Variants in PCDHA10 observed in about 807,000 individuals in gnomAD.
PCDHA10 encodes the protein protocadherin alpha-10.
A neutral mutation model predicts 61.2 loss-of-function variants in PCDHA10; 45 were observed. The ratio of observed to expected loss-of-function variants is 0.74; its 90% CI spans 0.58 to 0.94. PCDHA10 has a LOEUF of 0.94. Ranked by LOEUF, PCDHA10 falls within the 40% of genes least tolerant of loss-of-function variation. PCDHA10 has a pLI of 0.00. For synonymous variants in PCDHA10, 602 were observed against 548.8 expected (o/e 1.10, Z -1.35); for missense variants, 1,278 against 1,236.2 (o/e 1.03, Z -0.51).
At position 140,856,629 on chromosome 5, in the gene PCDHA10, T is replaced by C. The variant is rs782588371; in HGVS notation, c.581T>C (p.Val194Ala). 1.3e-6 allele frequency: 2 copies of C among 1,598,078 alleles called. No individual in the cohort carries two copies. The highest frequency in any genetic ancestry group is 2.7e-5 in the African/African-American group (2 of 74,298). ...GACAAAGACAAATTCCCAGTGCTTG[T>C]TCTGCGGAAGCTGCTGGATCGTGAA... is the stretch of plus-strand genomic sequence containing the variant. ...KKDKDKFPVL[V>A]LRKLLDREEN... The change falls in exon 1 of 4, where the codon GTT becomes GCT. Residue 194 changes from valine (V) to alanine (A), a missense_variant. By Grantham distance (64) the Val-to-Ala change is moderately conservative. Transcript: ENST00000307360.
intron 1 of PCDHA10, among the ~76,000 whole-genome samples, chr5:140,913,960 TA>T (rs201352444): frequency 2.0e-5 from 3 of 152,168 alleles, no homozygotes; most frequent in Non-Finnish European, 2.9e-5. Context: ...ATATCATTTT[TA>T]AAAAAATATT....
intron 1 of PCDHA10, among the ~76,000 whole-genome samples, chr5:140,917,333 G>GC (rs1401985588): frequency 2.7e-5 from 4 of 148,632 alleles, no homozygotes; most frequent in African/African-American, 7.4e-5. Flanking sequence ...GCGGGGGAGG[G>GC]GGGGGATGGT....
intron 1 of PCDHA10, chr5:140,968,074 C>T (rs781940696): frequency 1.2e-6 from 2 of 1,614,020 alleles, no homozygotes; most frequent in African/African-American, 1.3e-5. Context: ...CTGTCTACAA[C>T]ATCACGGTGA....
intron 1 of PCDHA10, chr5:140,875,742 C>T (rs782079077): frequency 3.1e-6 from 5 of 1,614,218 alleles, no homozygotes; most frequent in South Asian, 1.1e-5. Context: ...ATTCTCGGAT[C>T]GACCGCGAGA....
At chr5:140,885,110 TA>T (rs1368571784) in intron 1 of PCDHA10, among the ~76,000 whole-genome samples, 4 of 152,224 alleles carry the variant, frequency 2.6e-5, no homozygotes, top group African/African-American at 9.6e-5. Context: ...ATGCTTTTTT[TA>T]AGTGCACTTT....
At chr5:140,960,764 A>C (rs1383623742) in intron 1 of PCDHA10, among the ~76,000 whole-genome samples, 7 of 152,164 alleles carry the variant, frequency 4.6e-5, no homozygotes, top group African/African-American at 1.7e-4. Flanking sequence ...CAAGAGTTAC[A>C]GAGGAGAAAT....
rs556783584 is a variant in PCDHA10 at position 140,882,446 on chromosome 5, G to A, written c.2388+24010G>A. ...CCTGGGGCTGGAGCTGGCGGAGCTG[G>A]TGCCGCGCCTGTTCCGGGTGGCGTC... On this transcript the variant is annotated intron_variant, in intron 1 of 3. Coordinates refer to ENST00000307360, the MANE Select transcript of PCDHA10 (RefSeq NM_018901.4). 1.9e-5 allele frequency: 30 copies of A among 1,614,042 alleles called. No individual in the cohort carries two copies. The highest frequency in any genetic ancestry group is 1.0e-4 in the Admixed American group (6 of 60,036).
intron 1 of PCDHA10, among the ~76,000 whole-genome samples, chr5:140,946,628 A>ATATATATATATATATATATATATATATC (rs2093986423): frequency 7.4e-6 from 1 of 134,528 alleles, no homozygotes; most frequent in Non-Finnish European, 1.6e-5. Context: ...ATATATATAT[A>ATATATATATATATATATATATATATATC]TATACAATGG....
intron 1 of PCDHA10, among the ~76,000 whole-genome samples, chr5:140,896,658 T>C (rs2065683362): frequency 6.6e-6 from 1 of 152,154 alleles, no homozygotes; most frequent in African/African-American, 2.4e-5. Context: ...ATTACAGGCA[T>C]GAGTCACTGT....
At chr5:140,935,850 G>A (rs2090589549) in intron 1 of PCDHA10, among the ~76,000 whole-genome samples, 1 of 149,422 alleles carries the variant, frequency 6.7e-6, no homozygotes, top group South Asian at 2.1e-4. Context: ...GCTTAATGGT[G>A]TCTTTTGATT....
intron 1 of PCDHA10, among the ~76,000 whole-genome samples, chr5:140,970,553 C>T (rs1349644785): frequency 5.9e-5 from 9 of 152,122 alleles, no homozygotes; most frequent in South Asian, 2.1e-4. Flanking sequence ...GTTGTGTGTT[C>T]GTCTCCATAT....
chr5:140,857,220 A>C lies in PCDHA10; in HGVS notation c.1172A>C (p.His391Pro), dbSNP rs1554149674. Reference protein sequence around the residue: ...NGQVTCSLTPHVPFKLVSTYK... With the variant: ...NGQVTCSLTPPVPFKLVSTYK... ...CAGGTCACCTGCTCTCTGACGCCTC[A>C]CGTTCCGTTCAAGCTGGTGTCCACC... Residue 391 changes from histidine to proline, a missense_variant, in exon 1 of 4, where the codon CAC (histidine) becomes CCC (proline). His to Pro is a moderately conservative substitution (Grantham distance 77). Coordinates refer to ENST00000307360, the MANE Select transcript of PCDHA10 (RefSeq NM_018901.4). 1 of 1,598,480 alleles carries C rather than the reference A, an allele frequency of 6.3e-7. No individual in the cohort carries two copies. The highest frequency in any genetic ancestry group is 1.7e-5 in the Admixed American group (1 of 59,306).
intron 1 of PCDHA10, chr5:140,928,022 G>A: frequency 6.2e-7 from 1 of 1,614,200 alleles, no homozygotes; most frequent in Non-Finnish European, 8.5e-7. Flanking sequence ...AGGGTCATTT[G>A]TGGCATGTCT....
In PCDHA10 at chr5:140,869,909, G is replaced by A. The variant is rs781996593; in HGVS notation, c.2388+11473G>A. ...GTGCTCAAACTAAACGCCACAGACCGAGACGAAGGAGTCAATGGAGAGGTA... is the reference window on the plus strand; with the variant it reads ...GTGCTCAAACTAAACGCCACAGACCAAGACGAAGGAGTCAATGGAGAGGTA... On this transcript the variant is annotated intron_variant, in intron 1 of 3. Transcript: ENST00000307360. 2.6e-5 allele frequency: 42 copies of A among 1,610,632 alleles called. No individual in the cohort carries two copies. Among genetic ancestry groups the A allele is most frequent in the Non-Finnish European group, 3.1e-5 (36 of 1,178,298 alleles).
intron 3 of PCDHA10, among the ~76,000 whole-genome samples, chr5:141,002,322 G>A (rs1477526091): frequency 6.6e-6 from 1 of 152,190 alleles, no homozygotes; most frequent in South Asian, 2.1e-4. Context: ...CCTGGAGGCC[G>A]GGCTGCATCC....
intron 1 of PCDHA10, among the ~76,000 whole-genome samples, chr5:140,953,480 T>C (rs782804804): frequency 2.6e-5 from 4 of 152,194 alleles, no homozygotes; most frequent in Non-Finnish European, 5.9e-5. Flanking sequence ...CCTCATGCTG[T>C]GTCACAACCT....
chr5:140,965,206 T>A (rs2095879920), intron 1 of PCDHA10, among the ~76,000 whole-genome samples: 1 of 152,238 alleles, frequency 6.6e-6, no homozygotes. Flanking sequence ...AGATTTCAAA[T>A]TCCTGTGGAA....
chr5:140,967,876 G>T, intron 1 of PCDHA10: 1 of 1,614,144 alleles, frequency 6.2e-7, no homozygotes, highest in Non-Finnish European at 8.5e-7. Context: ...TCACGGACCT[G>T]TATAGCCCAG....
chr5:140,974,309 TGA>T (rs1190034770), intron 1 of PCDHA10, among the ~76,000 whole-genome samples: 4 of 152,212 alleles, frequency 2.6e-5, no homozygotes, highest in South Asian at 4.1e-4. Context: ...CAACTGTGAG[TGA>T]GAGAGTAGCT....
Sources: allele counts gnomAD v4.1 joint callset (sites outside exome capture counted in the v4.1 genomes callset), GRCh38; gene constraint gnomAD v4.1.1; transcripts MANE v1.5; gene names NCBI Gene and HGNC (gene_info 2026-07-23, HGNC 2026-07-21).